DHRS12: variants seen among roughly 807,000 people sequenced by gnomAD.
The protein encoded by DHRS12 is dehydrogenase/reductase SDR family member 12.
A neutral mutation model predicts 32.1 loss-of-function variants in DHRS12; 29 were observed. That is an observed-to-expected ratio of 0.90 (90% CI 0.67 to 1.23). The LOEUF is 1.23. DHRS12 is among the 50% of genes most tolerant of loss of function. The pLI, the probability that DHRS12 is intolerant of heterozygous loss-of-function variation, is 0.00. For synonymous variants in DHRS12, 150 were observed against 135.9 expected (o/e 1.10, Z -0.72); for missense variants, 330 against 337.2 (o/e 0.98, Z 0.17).
At chr13:51,760,488 C>A in the DHRS12 span, 1 of 152,150 alleles carries the variant, frequency 6.6e-6, no homozygotes, top group African/African-American at 2.4e-5. Context: ...CTGCTCCCAA[C>A]CATGGTTATC....
intron 8 of DHRS12, chr13:51,768,860 G>A (rs1439865692): frequency 1.5e-6 from 2 of 1,359,144 alleles, no homozygotes; most frequent in Non-Finnish European, 1.9e-6. Context: ...CCCCTCCTGG[G>A]CCTCAGCAAA....
chr13:51,766,700 C>G (rs1953761224), downstream of DHRS12: 1 of 152,258 alleles, frequency 6.6e-6, no homozygotes, highest in African/African-American at 2.4e-5. Flanking sequence ...ACTGTGCTTT[C>G]CTCTAACCAA....
the DHRS12 span, chr13:51,761,061 C>T: frequency 1.3e-5 from 2 of 152,212 alleles, no homozygotes; most frequent in African/African-American, 4.8e-5. Flanking sequence ...TATTCCTCGC[C>T]CTCTGTATTC....
In DHRS12 at chr13:51,772,872, G is replaced by A. The variant is rs975254902; in HGVS notation, c.469-961C>T. 36 of 985,306 alleles carry A rather than the reference G, an allele frequency of 3.7e-5. No individual in the cohort carries two copies. The African/African-American group carries it at 5.6e-4, about 15-fold the overall frequency. 61.0% of individuals were successfully genotyped at this position (985,306 alleles called of 1,614,324 possible). A position where few individuals can be genotyped will look rare whatever the true frequency, so the allele number is the denominator to read the frequency against. ...GGAGTCATGAGATGTAATTCACCAGGATTTGGTCTGGGGTCAAGGAGCAAA... is the reference window on the plus strand; with the variant it reads ...GGAGTCATGAGATGTAATTCACCAGAATTTGGTCTGGGGTCAAGGAGCAAA... On this transcript the variant is annotated intron_variant, in intron 6 of 8. Coordinates refer to ENST00000444610, the MANE Select transcript of DHRS12 (RefSeq NM_001377533.1).
intron 4 of DHRS12, among the ~76,000 whole-genome samples, chr13:51,789,133 T>C (rs1168118492): frequency 2.5e-4 from 38 of 152,158 alleles, no homozygotes; most frequent in Admixed American, 2.5e-3. Flanking sequence ...CAGTTCTTGG[T>C]TGGGAATAGG....
chr13:51,755,416 A>C, the DHRS12 span: 1 of 1,614,220 alleles, frequency 6.2e-7, no homozygotes, highest in Non-Finnish European at 8.5e-7. Context: ...TTCTTCTGGA[A>C]CTTCAAGCAA....
Position 51,790,038 on chromosome 13 carries a change from CA to C in DHRS12, c.273del (p.Glu92LysfsTer18), listed in dbSNP as rs1240021890. The C allele has an allele frequency of 1.2e-6, 2 of 1,603,158 alleles. No individual in the cohort carries two copies. The highest frequency in any genetic ancestry group is 3.5e-5 in the Admixed American group (2 of 57,510). ...VNKRELTEDG[L>X]EKNFAANTLG... ...AGAGTATTGGCAGCAAAGTTTTTTT[CA>C]AGTCCATCTTCTGTGAGCTCTCTTT... On this transcript the variant is annotated frameshift_variant, in exon 4 of 9. Transcript: ENST00000444610. LOFTEE classifies it high-confidence loss of function.
intron 6 of DHRS12, 118 bp downstream of exon 6, chr13:51,773,812 A>G (rs1954168297): frequency 2.4e-6 from 2 of 818,022 alleles, no homozygotes; most frequent in East Asian, 5.3e-5. Context: ...GAACATTTTC[A>G]GGTGCTGCAT....
rs542184983 is a variant in DHRS12, at chr13:51,804,117, G to C, written c.-72C>G. On this transcript the variant is annotated 5_prime_UTR_variant, in exon 1 of 9. Transcript: ENST00000444610. ...GCTGCGGTACAGGGACATGCCGGGA[G>C]CGCCCCACGCCTAGCCCCACCGCGC... 520 of 1,487,812 alleles carry C rather than the reference G, an allele frequency of 3.5e-4. 4 individuals carry two copies. In the African/African-American group the frequency reaches 6.8e-3, roughly 20 times the overall value. 92.2% of individuals were successfully genotyped at this position (1,487,812 alleles called of 1,614,324 possible).
At chr13:51,803,109 G>C (rs1955834487) in intron 1 of DHRS12, among the ~76,000 whole-genome samples, 1 of 152,170 alleles carries the variant, frequency 6.6e-6, no homozygotes. Flanking sequence ...TCTGCAGCAG[G>C]GGCTCCTGAG....
chr13:51,758,058 G>A, the DHRS12 span: 7 of 460,872 alleles, frequency 1.5e-5, no homozygotes, highest in Non-Finnish European at 2.4e-5. Flanking sequence ...AATAAAGGCA[G>A]ATCTGAGGAG....
At chr13:51,772,077 T>C (rs1213161654) in intron 6 of DHRS12, among the ~76,000 whole-genome samples, 166 bp from the exon 7 acceptor site, 2 of 152,128 alleles carry the variant, frequency 1.3e-5, no homozygotes, top group African/African-American at 2.4e-5. Flanking sequence ...TCAGCAGCCC[T>C]GAGTAGGACC....
chr13:51,785,072 A>T (rs1158801539), intron 4 of DHRS12, among the ~76,000 whole-genome samples: 1 of 152,130 alleles, frequency 6.6e-6, no homozygotes, highest in East Asian at 1.9e-4. Context: ...TACTAAAAAT[A>T]AAAAAATTAG....
intron 6 of DHRS12, 55 bp downstream of exon 6, chr13:51,773,875 A>G: frequency 1.4e-6 from 2 of 1,447,690 alleles, no homozygotes; most frequent in Non-Finnish European, 1.9e-6. Flanking sequence ...TCCTTGGAAA[A>G]GGGCCCTCGC....
At chr13:51,803,938 G>A (rs1229464015) in intron 1 of DHRS12, 116 bp downstream of exon 1, 1 of 1,004,542 alleles carries the variant, frequency 1.0e-6, no homozygotes, top group African/African-American at 1.7e-5. Context: ...GACACGCTTA[G>A]TCGGCCCAGC....
At chr13:51,799,438 C>T (rs2139420758) in intron 2 of DHRS12, 96 bp downstream of exon 2, 1 of 1,543,542 alleles carries the variant, frequency 6.5e-7, no homozygotes, top group Non-Finnish European at 8.8e-7. Flanking sequence ...TCCAGGACTT[C>T]CTGGCCTGCC....
chr13:51,768,403 A>G (rs1003237378), intron 8 of DHRS12, 107 bp from the exon 9 acceptor site: 6 of 1,497,128 alleles, frequency 4.0e-6, no homozygotes, highest in Non-Finnish European at 5.3e-6. Context: ...GAGTGGCAGC[A>G]CCCTACAGCT....
the DHRS12 span, chr13:51,756,184 A>G: frequency 4.2e-6 from 5 of 1,191,042 alleles, no homozygotes; most frequent in East Asian, 4.8e-5. Context: ...AACACATCCA[A>G]TGTGTTCCCT....
chr13:51,762,906 C>T, the DHRS12 span: 1 of 152,210 alleles, frequency 6.6e-6, no homozygotes, highest in Non-Finnish European at 1.5e-5. Flanking sequence ...AATGACATTA[C>T]TTGACATTAC....
Sources: gnomAD v4.1 joint callset for allele counts (sites outside exome capture counted in the v4.1 genomes callset) on GRCh38, gnomAD v4.1.1 for gene constraint, MANE v1.5 for transcripts, NCBI Gene and HGNC (gene_info 2026-07-23, HGNC 2026-07-21) for gene names.